Variants in TASL observed in about 807,000 individuals in gnomAD.
TASL encodes the protein TLR adapter interacting with SLC15A4 on the lysosome.
TASL carries 6 observed loss-of-function variants against 12.9 expected under a neutral mutation model. The ratio of observed to expected loss-of-function variants is 0.46; its 90% confidence interval spans 0.25 to 0.92. The LOEUF (loss-of-function observed/expected upper bound fraction) is 0.92. Ranked by LOEUF, TASL falls within the 40% of genes least tolerant of loss-of-function variation. The pLI is 0.17. For synonymous variants in TASL, 85 were observed against 79.3 expected (o/e 1.07, Z -0.38); for missense variants, 165 against 212.8 (o/e 0.78, Z 1.40).
Position 30,559,820 on chromosome X carries a change from T to C in TASL, c.536A>G (p.Lys179Arg). Reference protein sequence around the residue: ...ISTQPSDFPQKPIQRYSSYWR... With the variant: ...ISTQPSDFPQRPIQRYSSYWR... ...ATAGGATGAGTACCGCTGGATAGGT[T>C]TTTGGGGAAAGTCACTGGGCTGAGT... Residue 179 changes from lysine (K) to arginine (R), a missense_variant, in exon 3 of 3, where the codon AAA (lysine) becomes AGA (arginine). By Grantham distance (26) the Lys-to-Arg change is conservative (BLOSUM62 2). Transcript: ENST00000378962. 1 of 1,210,641 alleles carries C rather than the reference T, an allele frequency of 8.3e-7. No individual in the cohort carries two copies. Among genetic ancestry groups the C allele is most frequent in the Non-Finnish European group, 1.1e-6 (1 of 895,091 alleles).
At chrX:30,560,483 A>C (rs1165642297) in intron 2 of TASL, 127 bp from the exon 3 acceptor site, 1 of 486,607 alleles carries the variant, frequency 2.1e-6, no homozygotes, top group Admixed American at 4.3e-5. Flanking sequence ...AGCTCGTACT[A>C]ATTCTGTGCC....
At chrX:30,567,606 G>A (rs1221679010) in intron 2 of TASL, among the ~76,000 whole-genome samples, 2 of 111,170 alleles carry the variant, frequency 1.8e-5, no homozygotes, top group Non-Finnish European at 3.8e-5. Flanking sequence ...CAGACTAGGC[G>A]GCCACTCTGT....
intron 2 of TASL, among the ~76,000 whole-genome samples, chrX:30,571,256 G>GAAAGAGAAAGAAAGAAAGAAAGAA (rs1179232270): frequency 1.1e-4 from 4 of 36,793 alleles, no homozygotes; most frequent in Admixed American, 4.1e-4. Context: ...GAGAAAGAAA[G>GAAAGAGAAAGAAAGAAAGAAAGAA]AGAAAGAAAG....
chrX:30,570,923 A>C (rs2041313), intron 2 of TASL, among the ~76,000 whole-genome samples: 2 of 109,379 alleles, frequency 1.8e-5, no homozygotes, highest in Non-Finnish European at 3.8e-5. Context: ...GTTCACACCT[A>C]TAATCCCAGC....
chrX:30,566,458 G>A (rs1336601639), intron 2 of TASL, among the ~76,000 whole-genome samples: 1 of 111,345 alleles, frequency 9.0e-6, no homozygotes, highest in African/African-American at 3.3e-5. Context: ...AGTGAGCCGA[G>A]ATTGAGCCAC....
At chrX:30,562,919 C>CAA (rs1189691120) in intron 2 of TASL, among the ~76,000 whole-genome samples, 2 of 107,142 alleles carry the variant, frequency 1.9e-5, no homozygotes, top group African/African-American at 6.8e-5. Context: ...CACACACACA[C>CAA]ACACACACAC....
At chrX:30,573,619 G>C (rs933377925) in intron 2 of TASL, among the ~76,000 whole-genome samples, 11 of 111,487 alleles carry the variant, frequency 9.9e-5, no homozygotes, top group Non-Finnish European at 1.9e-4. Flanking sequence ...TCTTTCACAG[G>C]GTGATTTAAT....
chrX:30,567,278 GAAA>G (rs5901953), intron 2 of TASL, among the ~76,000 whole-genome samples: 1 of 85,240 alleles, frequency 1.2e-5, no homozygotes, highest in Non-Finnish European at 2.3e-5. Context: ...CATGTCTCAA[GAAA>G]AAAAAAAAAA....
At chrX:30,568,921 G>A (rs1366348628) in intron 2 of TASL, among the ~76,000 whole-genome samples, 1 of 106,066 alleles carries the variant, frequency 9.4e-6, no homozygotes, top group Non-Finnish European at 1.9e-5. Flanking sequence ...GTCTGATGAC[G>A]GAAAAACAGA....
chrX:30,564,378 T>C (rs1427551809), intron 2 of TASL, among the ~76,000 whole-genome samples: 1 of 110,167 alleles, frequency 9.1e-6, no homozygotes, highest in Non-Finnish European at 1.9e-5. Context: ...TTAAGAATAT[T>C]TCCCAGAATG....
chrX:30,570,902 C>T (rs989433394), intron 2 of TASL, among the ~76,000 whole-genome samples: 18 of 111,264 alleles, frequency 1.6e-4, no homozygotes, highest in Non-Finnish European at 2.8e-4. Context: ...CATTCAAGGC[C>T]GGGTGCAGTG....
At chrX:30,573,495 CTT>C (rs779099232) in intron 2 of TASL, among the ~76,000 whole-genome samples, 1 of 112,672 alleles carries the variant, frequency 8.9e-6, no homozygotes, top group Non-Finnish European at 1.9e-5. Context: ...GCTCATATGT[CTT>C]TGAGGAATAC....
chrX:30,571,344 C>T (rs1032791609), intron 2 of TASL, among the ~76,000 whole-genome samples: 6 of 101,523 alleles, frequency 5.9e-5, no homozygotes, highest in African/African-American at 1.1e-4. Flanking sequence ...TTTGGCCAGG[C>T]GTGGTGGCTC....
rs1284983566 is a variant in TASL at position 30,559,705 on chromosome X, C to T, written c.651G>A (p.Lys217=). The T allele has an allele frequency of 1.7e-6, 2 of 1,211,025 alleles. No homozygotes were observed. The highest frequency in any genetic ancestry group is 2.2e-5 in the Admixed American group (1 of 46,034). ...TGTACTGTTTATATAACTCCACAACCTTCTGCTCCAGGTACTCATTCAGAA... is the reference window on the plus strand; with the variant it reads ...TGTACTGTTTATATAACTCCACAACTTTCTGCTCCAGGTACTCATTCAGAA... ...NAVLNEYLEQ[K]VVELYKQYIM... Residue 217 remains lysine, a synonymous_variant, in exon 3 of 3, where the codon AAG becomes AAA. Coordinates refer to ENST00000378962, the MANE Select transcript of TASL (RefSeq NM_025159.3).
intron 2 of TASL, among the ~76,000 whole-genome samples, chrX:30,575,593 G>A (rs1469658844): frequency 9.0e-6 from 1 of 111,347 alleles, no homozygotes; most frequent in Non-Finnish European, 1.9e-5. Flanking sequence ...ATCTATTCTT[G>A]TATCAAATAT....
chrX:30,561,611 C>T (rs1930425561), intron 2 of TASL, among the ~76,000 whole-genome samples: 1 of 111,755 alleles, frequency 8.9e-6, no homozygotes, highest in Non-Finnish European at 1.9e-5. Flanking sequence ...TTGTTAACAT[C>T]TCTTTTACAT....
At chrX:30,567,649 C>G (rs1186625668) in intron 2 of TASL, among the ~76,000 whole-genome samples, 1 of 111,629 alleles carries the variant, frequency 9.0e-6, no homozygotes, top group South Asian at 3.7e-4. Flanking sequence ...GTTGTATATG[C>G]TTGGTGAAGC....
chrX:30,567,241 A>G (rs1930510645), intron 2 of TASL, among the ~76,000 whole-genome samples: 1 of 106,343 alleles, frequency 9.4e-6, no homozygotes, highest in Non-Finnish European at 1.9e-5. Context: ...GTGCCACTGC[A>G]CTCCAGGCTG....
At chrX:30,562,071 A>C (rs1309090794) in intron 2 of TASL, among the ~76,000 whole-genome samples, 2 of 111,874 alleles carry the variant, frequency 1.8e-5, no homozygotes, top group Admixed American at 9.6e-5. Context: ...TTCTGCCTTC[A>C]AGTCCTCAGA....
Sources: gnomAD v4.1 joint callset for allele counts (sites outside exome capture counted in the v4.1 genomes callset) on GRCh38, gnomAD v4.1.1 for gene constraint, MANE v1.5 for transcripts, NCBI Gene and HGNC (gene_info 2026-07-23, HGNC 2026-07-21) for gene names.